FAM171A1: variants seen among roughly 807,000 people sequenced by gnomAD.
The protein encoded by FAM171A1 is family with sequence similarity 171 member A1.
In FAM171A1, 23 loss-of-function variants were observed where a neutral mutation model predicts 74.9. That is an observed-to-expected ratio of 0.31 (90% CI 0.22 to 0.44). FAM171A1 has a LOEUF of 0.44. FAM171A1 is among the 20% of genes least tolerant of loss of function. FAM171A1 has a pLI of 1.00. For synonymous variants in FAM171A1, 527 were observed against 505.7 expected (o/e 1.04, Z -0.57); for missense variants, 1,162 against 1,159.2 (o/e 1.00, Z -0.03).
intron 1 of FAM171A1, among the ~76,000 whole-genome samples, chr10:15,299,256 A>G (rs1835199022): frequency 6.6e-6 from 1 of 152,092 alleles, no homozygotes; most frequent in South Asian, 2.1e-4. Flanking sequence ...TGAAGGCACA[A>G]AGTCCCCTTA....
intron 5 of FAM171A1, among the ~76,000 whole-genome samples, chr10:15,235,955 C>T (rs11259566): frequency 0.14 from 21,146 of 152,146 alleles, 1,564 homozygotes; most frequent in Middle Eastern, 0.17. Flanking sequence ...GAAAGAGCCA[C>T]GGTGTTCAGC....
rs1167099368 is a variant in FAM171A1, at chr10:15,213,547, T to G, written c.2041A>C (p.Met681Leu). 1 of 1,614,116 alleles carries G rather than the reference T, an allele frequency of 6.2e-7. No individual in the cohort carries two copies. The highest frequency in any genetic ancestry group is 1.1e-5 in the South Asian group (1 of 91,082). Residue 681 changes from methionine (M) to leucine (L), a missense_variant, in exon 8 of 8, where the codon ATG (methionine) becomes CTG (leucine). By Grantham distance (15) the Met-to-Leu change is conservative. Coordinates refer to ENST00000378116, the MANE Select transcript of FAM171A1 (RefSeq NM_001010924.2). The surrounding 1 kb of genome is among the most constrained non-coding windows in gnomAD (Gnocchi z 6.8). ...ASLNDAALAQ[M>L]NSEVQLLTEK... is the part of the protein sequence containing the mutation. ...GTCAGGAGCTGCACCTCACTGTTCA[T>G]CTGAGCCAAAGCCGCGTCGTTCAGG... is the stretch of plus-strand genomic sequence containing the variant.
intron 1 of FAM171A1, among the ~76,000 whole-genome samples, chr10:15,343,230 G>A (rs1370628227): frequency 6.6e-6 from 1 of 152,196 alleles, no homozygotes; most frequent in Non-Finnish European, 1.5e-5. Context: ...CTAGCTGAGT[G>A]CAGTAGCATG....
At chr10:15,236,315 A>G (rs1363159019) in intron 5 of FAM171A1, among the ~76,000 whole-genome samples, 4 of 151,410 alleles carry the variant, frequency 2.6e-5, no homozygotes, top group African/African-American at 7.3e-5. Flanking sequence ...CACACTGCAT[A>G]TGGGCTAAAT....
intron 4 of FAM171A1, among the ~76,000 whole-genome samples, chr10:15,252,444 A>G (rs1205209888): frequency 6.6e-6 from 1 of 152,176 alleles, no homozygotes; most frequent in Non-Finnish European, 1.5e-5. Flanking sequence ...TTCCAAAGAC[A>G]CGTCTGGTCC....
intron 3 of FAM171A1, among the ~76,000 whole-genome samples, chr10:15,256,372 T>C (rs945200798): frequency 6.6e-6 from 1 of 152,196 alleles, no homozygotes; most frequent in Non-Finnish European, 1.5e-5. Flanking sequence ...CAGCCTGTCT[T>C]GGCTACACAC....
chr10:15,254,626 CCA>C (rs1357149728), intron 4 of FAM171A1, 93 bp downstream of exon 4: 20 of 1,385,524 alleles, frequency 1.4e-5, no homozygotes, highest in Non-Finnish European at 1.9e-5. Flanking sequence ...TGCCTTTCTC[CCA>C]CATAGTGCTA....
intron 1 of FAM171A1, among the ~76,000 whole-genome samples, chr10:15,287,470 C>A (rs1835051581): frequency 6.6e-6 from 1 of 151,482 alleles, no homozygotes; most frequent in African/African-American, 2.4e-5. Context: ...TCACTGCAAC[C>A]TTTGCCTCCC....
chr10:15,345,529 G>A (rs559761193), intron 1 of FAM171A1, among the ~76,000 whole-genome samples: 34 of 152,130 alleles, frequency 2.2e-4, no homozygotes, highest in Non-Finnish European at 4.1e-4. Flanking sequence ...CAGGGTGGCC[G>A]GGGAGTGAGG....
chr10:15,331,433 G>A (rs1237123035), intron 1 of FAM171A1, among the ~76,000 whole-genome samples: 1 of 152,080 alleles, frequency 6.6e-6, no homozygotes, highest in African/African-American at 2.4e-5. Flanking sequence ...GGACAGTTCT[G>A]GAAGTATCTC....
At chr10:15,264,982 C>T (rs1037139147) in intron 3 of FAM171A1, among the ~76,000 whole-genome samples, 24 of 151,852 alleles carry the variant, frequency 1.6e-4, no homozygotes, top group Admixed American at 1.6e-3. Context: ...CTCAATACGA[C>T]CGAGACAAGG....
intron 2 of FAM171A1, among the ~76,000 whole-genome samples, chr10:15,280,147 G>A (rs1834949044): frequency 6.6e-6 from 1 of 152,046 alleles, no homozygotes; most frequent in Non-Finnish European, 1.5e-5. Flanking sequence ...ACACAGACAG[G>A]GTAGAAATGG....
Position 15,214,689 on chromosome 10 carries a change from A to G in FAM171A1, c.987-88T>C, listed in dbSNP as rs903666100. On this transcript the variant is annotated intron_variant, in intron 7 of 7. Coordinates refer to ENST00000378116, the MANE Select transcript of FAM171A1 (RefSeq NM_001010924.2). ...GTTTCAGGTAAAATCCTAATTCTCA[A>G]TTTCCATGGGGAGAGACAAAACAAA... is the stretch of plus-strand genomic sequence containing the variant. 16 of 1,468,060 alleles carry G rather than the reference A, an allele frequency of 1.1e-5. No homozygotes were observed. The African/African-American group carries it at 1.6e-4, about 14-fold the overall frequency. 90.9% of individuals were successfully genotyped at this position (1,468,060 alleles called of 1,614,324 possible). A position where few individuals can be genotyped will look rare whatever the true frequency, so the allele number is the denominator to read the frequency against.
chr10:15,276,828 G>C (rs1212970034), intron 2 of FAM171A1, among the ~76,000 whole-genome samples: 3 of 152,082 alleles, frequency 2.0e-5, no homozygotes, highest in Non-Finnish European at 2.9e-5. Context: ...GGGACCATGG[G>C]TGTGCACCAC....
At chr10:15,307,367 G>A (rs926992408) in intron 1 of FAM171A1, among the ~76,000 whole-genome samples, 2 of 152,048 alleles carry the variant, frequency 1.3e-5, no homozygotes, top group Non-Finnish European at 2.9e-5. Context: ...ACTTGAGGCC[G>A]GGTGCAGTGG....
intron 1 of FAM171A1, among the ~76,000 whole-genome samples, chr10:15,333,194 C>T (rs1835661383): frequency 6.6e-6 from 1 of 152,214 alleles, no homozygotes; most frequent in Non-Finnish European, 1.5e-5. Flanking sequence ...ACTGGGGCTG[C>T]TTTAAAAACT....
chr10:15,270,200 G>A (rs1834804888), intron 3 of FAM171A1, among the ~76,000 whole-genome samples: 1 of 152,198 alleles, frequency 6.6e-6, no homozygotes, highest in East Asian at 1.9e-4. Flanking sequence ...TTTTCTAACA[G>A]TCTTAGCAAA....
intron 3 of FAM171A1, 114 bp from the exon 4 acceptor site, chr10:15,254,993 C>T: frequency 1.1e-6 from 1 of 873,298 alleles, no homozygotes; most frequent in Non-Finnish European, 1.8e-6. Flanking sequence ...ACCCTGCTCC[C>T]TCTCACAAGG....
At chr10:15,218,281 G>T (rs933996992) in intron 6 of FAM171A1, among the ~76,000 whole-genome samples, 1 of 151,672 alleles carries the variant, frequency 6.6e-6, no homozygotes, top group African/African-American at 2.4e-5. Context: ...GGGTTTCAAC[G>T]TGTTAGCCAG....
Sources: allele counts gnomAD v4.1 joint callset (sites outside exome capture counted in the v4.1 genomes callset), GRCh38; gene constraint gnomAD v4.1.1; non-coding constraint Gnocchi (gnomAD v3.1); transcripts MANE v1.5; gene names NCBI Gene and HGNC (gene_info 2026-07-23, HGNC 2026-07-21).